The following AGFG1 variants were observed in gnomAD, a reference collection of about 807,000 sequenced individuals.
AGFG1 encodes the protein ArfGAP with FG repeats 1.
A neutral mutation model predicts 60.6 loss-of-function variants in AGFG1; 10 were observed. The ratio of observed to expected loss-of-function variants is 0.16; its 90% CI spans 0.10 to 0.28. The LOEUF is 0.28. Among genes scored for constraint, AGFG1 ranks in the 10% least tolerant of loss-of-function variants. The probability of loss-of-function intolerance (pLI) is 1.00; values close to 1 mark genes in which losing one functional copy is unlikely to be tolerated. For missense variants in AGFG1, 537 were observed against 676.5 expected, an observed-to-expected ratio of 0.79 and a Z score of 2.29; for synonymous variants, 247 against 242.9, an observed-to-expected ratio of 1.02 and a Z score of -0.16.
Position 227,491,736 on chromosome 2 carries a change from G to A in AGFG1, c.261+96G>A, listed in dbSNP as rs185196829. The A allele has an allele frequency of 2.0e-3, 1,292 of 650,588 alleles. 3 individuals carry two copies. Among genetic ancestry groups the A allele is most frequent in the Middle Eastern group, 9.1e-3 (20 of 2,198 alleles). The allele number at this position is 650,588 out of a possible 1,614,324, so 40.3% of individuals were successfully genotyped here. A position where few individuals can be genotyped will look rare whatever the true frequency, so the allele number is the denominator to read the frequency against. ...AGTTATTTAAAACGTTGAATTTCACGGTCTAAATAAGTTATTTTTGTATTT... is the reference window on the plus strand; with the variant it reads ...AGTTATTTAAAACGTTGAATTTCACAGTCTAAATAAGTTATTTTTGTATTT... On this transcript the variant is annotated intron_variant, in intron 2 of 12. Transcript: ENST00000310078.
At chr2:227,515,363 T>C (rs901485830) in intron 2 of AGFG1, among the ~76,000 whole-genome samples, 2 of 152,200 alleles carry the variant, frequency 1.3e-5, no homozygotes, top group Admixed American at 1.3e-4. Context: ...CTTTTATTGA[T>C]TGATAACTGT....
intron 2 of AGFG1, among the ~76,000 whole-genome samples, chr2:227,501,370 T>G (rs1437811965): frequency 6.6e-6 from 1 of 152,210 alleles, no homozygotes; most frequent in East Asian, 1.9e-4. Context: ...CATGAGCCAT[T>G]GGGCCTAACC....
chr2:227,500,479 T>C (rs1416387314), intron 2 of AGFG1, among the ~76,000 whole-genome samples: 2 of 152,154 alleles, frequency 1.3e-5, no homozygotes, highest in East Asian at 3.9e-4. Context: ...ACATTGTCTC[T>C]CAGAACCTGC....
intron 1 of AGFG1, among the ~76,000 whole-genome samples, chr2:227,490,187 T>A (rs1690765734): frequency 6.6e-6 from 1 of 152,232 alleles, no homozygotes; most frequent in South Asian, 2.1e-4. Flanking sequence ...AAATATTTTT[T>A]AAAAACTTCT....
intron 5 of AGFG1, among the ~76,000 whole-genome samples, chr2:227,526,635 C>T (rs573069186): frequency 4.5e-4 from 68 of 150,906 alleles, no homozygotes; most frequent in African/African-American, 1.2e-3. Context: ...CTCTGCCTCC[C>T]GGGTTCAGCC....
At chr2:227,519,360 TTTTCTC>T (rs1362404208) in intron 2 of AGFG1, among the ~76,000 whole-genome samples, 23 of 152,220 alleles carry the variant, frequency 1.5e-4, no homozygotes, top group African/African-American at 5.3e-4. Flanking sequence ...CTTTATCAGT[TTTTCTC>T]TTTATAGTTC....
rs775025574 is a variant in AGFG1 at position 227,536,697 on chromosome 2, A to C, written c.1278A>C (p.Pro426=). Residue 426 remains proline, a synonymous_variant, in exon 9 of 13, where the codon CCA becomes CCC. Coordinates refer to ENST00000310078, the MANE Select transcript of AGFG1 (RefSeq NM_004504.5). The stretch of plus-strand genomic sequence containing the variant: ...CTGCTTCATCAAGTGTGCCTGCTCC[A>C]TTTGGAGGTATGTGCTTCTGGTATA... ...TQPASSSVPA[P]FGATPSTNPF... is the part of the protein sequence containing the mutation. The C allele has an allele frequency of 1.2e-6, 2 of 1,613,700 alleles. No individual in the cohort carries two copies. The highest frequency in any genetic ancestry group is 3.3e-5 in the Admixed American group (2 of 59,974).
chr2:227,499,269 GT>G (rs1691076053), intron 2 of AGFG1, among the ~76,000 whole-genome samples: 2 of 151,130 alleles, frequency 1.3e-5, no homozygotes, highest in South Asian at 4.2e-4. Flanking sequence ...TTAATGGTTT[GT>G]TTGAATGAGG....
At chr2:227,518,528 T>C (rs2106202878) in intron 2 of AGFG1, among the ~76,000 whole-genome samples, 1 of 150,542 alleles carries the variant, frequency 6.6e-6, no homozygotes, top group South Asian at 2.1e-4. Context: ...TTTTTTTTTT[T>C]TTTTTTTTTT....
At chr2:227,520,947 G>C (rs1049763977) in intron 3 of AGFG1, among the ~76,000 whole-genome samples, 1 of 152,196 alleles carries the variant, frequency 6.6e-6, no homozygotes, top group Non-Finnish European at 1.5e-5. Context: ...TTTTGGTCCT[G>C]AGGGAACATT....
At chr2:227,482,676 A>G (rs1460810713) in intron 1 of AGFG1, among the ~76,000 whole-genome samples, 2 of 152,344 alleles carry the variant, frequency 1.3e-5, no homozygotes, top group East Asian at 3.9e-4. Flanking sequence ...AACTAACTAA[A>G]TAAGCTTTCC....
intron 10 of AGFG1, among the ~76,000 whole-genome samples, chr2:227,540,448 T>C (rs1186036323): frequency 1.3e-5 from 2 of 152,196 alleles, no homozygotes; most frequent in African/African-American, 4.8e-5. Context: ...ATGTGGTGTT[T>C]GGTTTTCTGT....
At chr2:227,514,129 C>T (rs375662162) in intron 2 of AGFG1, among the ~76,000 whole-genome samples, 1 of 152,186 alleles carries the variant, frequency 6.6e-6, no homozygotes, top group Non-Finnish European at 1.5e-5. Flanking sequence ...CCACCCTTCC[C>T]AGTCATTGCT....
chr2:227,549,701 A>G (rs903358497), intron 10 of AGFG1, among the ~76,000 whole-genome samples: 3 of 152,252 alleles, frequency 2.0e-5, no homozygotes, highest in African/African-American at 7.2e-5. Flanking sequence ...ATAATCTCAT[A>G]TGATCCTATG....
chr2:227,534,182 T>G (rs142170509), intron 7 of AGFG1, among the ~76,000 whole-genome samples: 1 of 152,148 alleles, frequency 6.6e-6, no homozygotes, highest in Non-Finnish European at 1.5e-5. Flanking sequence ...TTTTACAGTA[T>G]AGTCTTGTAT....
At chr2:227,513,878 G>C (rs140819588) in intron 2 of AGFG1, among the ~76,000 whole-genome samples, 1 of 152,078 alleles carries the variant, frequency 6.6e-6, no homozygotes, top group African/African-American at 2.4e-5. Context: ...TTTGAGTATT[G>C]CCAGTTTATT....
chr2:227,517,699 T>A (rs575839173), intron 2 of AGFG1, among the ~76,000 whole-genome samples: 1 of 152,378 alleles, frequency 6.6e-6, no homozygotes, highest in African/African-American at 2.4e-5. Context: ...AAGTACGCTT[T>A]TCCTTCCCTG....
intron 2 of AGFG1, among the ~76,000 whole-genome samples, chr2:227,519,038 G>A (rs1317345550): frequency 6.6e-6 from 1 of 152,290 alleles, no homozygotes; most frequent in Admixed American, 6.5e-5. Context: ...GCCACCTGTG[G>A]TGCTGCACTC....
intron 2 of AGFG1, among the ~76,000 whole-genome samples, chr2:227,499,155 C>G (rs1691071120): frequency 6.6e-6 from 1 of 152,144 alleles, no homozygotes; most frequent in South Asian, 2.1e-4. Context: ...TATATGGCAA[C>G]AGTGCTATTT....
Sources: allele counts gnomAD v4.1 joint callset (sites outside exome capture counted in the v4.1 genomes callset), GRCh38; gene constraint gnomAD v4.1.1; transcripts MANE v1.5; gene names NCBI Gene and HGNC (gene_info 2026-07-23, HGNC 2026-07-21).